PRICKLE2: variants seen among roughly 807,000 people sequenced by gnomAD.
The protein encoded by PRICKLE2 is prickle planar cell polarity protein 2.
PRICKLE2 carries 21 observed loss-of-function variants against 81.4 expected under a neutral mutation model. The ratio of observed to expected loss-of-function variants is 0.26; its 90% CI spans 0.18 to 0.37. The LOEUF (loss-of-function observed/expected upper bound fraction) is 0.37. PRICKLE2 is among the 10% of genes least tolerant of loss of function. PRICKLE2 has a pLI of 1.00. For synonymous variants in PRICKLE2, 456 were observed against 421.5 expected, an observed-to-expected ratio of 1.08 and a Z score of -1.00; for missense variants, 940 against 1,109.0, an observed-to-expected ratio of 0.85 and a Z score of 2.16.
chr3:64,257,330 G>A (rs1007216988), intron 2 of PRICKLE2, among the ~76,000 whole-genome samples: 3 of 152,186 alleles, frequency 2.0e-5, no homozygotes, highest in African/African-American at 7.2e-5. Flanking sequence ...AGTTGGACAT[G>A]CTCTAATCTG....
intron 2 of PRICKLE2, among the ~76,000 whole-genome samples, chr3:64,185,643 C>A (rs73832120): frequency 0.06 from 9,152 of 152,204 alleles, 425 homozygotes; most frequent in African/African-American, 0.14. Context: ...TTCTTTCTGA[C>A]AAAAGCTTGG....
chr3:64,154,606 G>A (rs891943230), intron 5 of PRICKLE2: 6 of 151,986 alleles, frequency 3.9e-5, no homozygotes, highest in South Asian at 2.1e-4. Flanking sequence ...ACAATAAAAC[G>A]CTTAGAAGAA....
chr3:64,170,982 T>C (rs1313543077), intron 2 of PRICKLE2, among the ~76,000 whole-genome samples: 5 of 152,228 alleles, frequency 3.3e-5, no homozygotes, highest in African/African-American at 1.2e-4. Flanking sequence ...GTCTTCACTA[T>C]AGCACCATGA....
At chr3:64,181,545 T>G (rs921584501) in intron 2 of PRICKLE2, among the ~76,000 whole-genome samples, 2 of 152,160 alleles carry the variant, frequency 1.3e-5, no homozygotes, top group Non-Finnish European at 2.9e-5. Flanking sequence ...TTTCCCCTTG[T>G]TTTAGTTATT....
At chr3:64,113,045 G>C (rs1455736109) in intron 7 of PRICKLE2, among the ~76,000 whole-genome samples, 1 of 152,158 alleles carries the variant, frequency 6.6e-6, no homozygotes, top group Non-Finnish European at 1.5e-5. Context: ...AGGGGGAATG[G>C]GTGAGTTGAA....
chr3:64,251,228 A>T (rs917785849), intron 2 of PRICKLE2, among the ~76,000 whole-genome samples: 12 of 152,218 alleles, frequency 7.9e-5, no homozygotes, highest in Non-Finnish European at 1.8e-4. Context: ...GGAATTTGAA[A>T]CATTTAAAGA....
chr3:64,224,231 A>C (rs556480094), intron 1 of PRICKLE2, among the ~76,000 whole-genome samples: 1 of 152,306 alleles, frequency 6.6e-6, no homozygotes, highest in South Asian at 2.1e-4. Flanking sequence ...CCACATAACA[A>C]AAAACCATGG....
chr3:64,237,357 T>C (rs1341829836), intron 2 of PRICKLE2, among the ~76,000 whole-genome samples: 4 of 152,142 alleles, frequency 2.6e-5, no homozygotes, highest in East Asian at 1.9e-4. Context: ...TTATTGCCAA[T>C]TAAAGTGGCT....
In PRICKLE2 at chr3:64,147,545, G is replaced by A; in HGVS notation, c.945C>T (p.Asp315=). 1 of 1,614,242 alleles carries A rather than the reference G, an allele frequency of 6.2e-7. No homozygotes were observed. Among genetic ancestry groups the A allele is most frequent in the Non-Finnish European group, 8.5e-7 (1 of 1,180,052 alleles). ...AATCAGAGGAGTCAGAACCATTGGG[G>A]TCTTCCCCAGCACTGCAGGCCCGTG... The part of the protein sequence containing the change: ...FCSRACSAGE[D]PNGSDSSDSA... The change falls in exon 7 of 8, where the codon GAC becomes GAT. Residue 315 remains aspartate (D), a synonymous_variant. Coordinates refer to ENST00000638394, the MANE Select transcript of PRICKLE2 (RefSeq NM_198859.4). The surrounding 1 kb of genome is among the most constrained non-coding windows in gnomAD (Gnocchi z 5.0).
chr3:64,197,281 T>C (rs11706369), intron 2 of PRICKLE2, among the ~76,000 whole-genome samples: 1,728 of 152,268 alleles, frequency 0.011, 15 homozygotes, highest in Non-Finnish European at 0.017. Context: ...TAACCAGTAA[T>C]GGGATTGCTG....
chr3:64,115,777 T>C (rs1290485132), intron 7 of PRICKLE2, among the ~76,000 whole-genome samples: 1 of 151,052 alleles, frequency 6.6e-6, no homozygotes, highest in Non-Finnish European at 1.5e-5. Context: ...ACTGACAATA[T>C]TAGACAGATC....
chr3:64,259,699 G>A (rs1272811145), intron 2 of PRICKLE2, among the ~76,000 whole-genome samples: 1 of 152,158 alleles, frequency 6.6e-6, no homozygotes, highest in Admixed American at 6.6e-5. Flanking sequence ...TATCCTTAGA[G>A]AGGCAGAGGG....
intron 7 of PRICKLE2, among the ~76,000 whole-genome samples, chr3:64,143,116 A>AG (rs1306057285): frequency 6.6e-6 from 1 of 152,232 alleles, no homozygotes; most frequent in Non-Finnish European, 1.5e-5. Context: ...TGCACCTTCT[A>AG]GCAGGGTCAC....
intron 2 of PRICKLE2, among the ~76,000 whole-genome samples, chr3:64,263,343 T>G (rs2079644398): frequency 6.6e-6 from 1 of 152,166 alleles, no homozygotes; most frequent in South Asian, 2.1e-4. Flanking sequence ...CTCATGAGGT[T>G]AAGTGGTCTG....
intron 5 of PRICKLE2, among the ~76,000 whole-genome samples, chr3:64,155,609 A>G (rs1008415836): frequency 7.2e-5 from 11 of 152,236 alleles, no homozygotes; most frequent in Admixed American, 2.0e-4. Context: ...AGAGTAGCCA[A>G]AAAGTGGAAA....
chr3:64,131,041 C>G (rs1406063511), intron 7 of PRICKLE2, among the ~76,000 whole-genome samples: 1 of 152,218 alleles, frequency 6.6e-6, no homozygotes, highest in Non-Finnish European at 1.5e-5. Context: ...TACTGTCTCC[C>G]TTTTCCATGT....
chr3:64,185,860 G>C (rs1575634963), intron 2 of PRICKLE2, among the ~76,000 whole-genome samples: 1 of 152,128 alleles, frequency 6.6e-6, no homozygotes, highest in Non-Finnish European at 1.5e-5. Context: ...ACCCATGAAA[G>C]CATCAACATA....
chr3:64,231,354 T>C (rs1186260523), intron 2 of PRICKLE2, among the ~76,000 whole-genome samples: 5 of 152,220 alleles, frequency 3.3e-5, no homozygotes, highest in African/African-American at 1.2e-4. Flanking sequence ...ACTGACATGA[T>C]GTGCTAGCAA....
chr3:64,148,641 A>C (rs774161778), intron 6 of PRICKLE2, among the ~76,000 whole-genome samples: 3 of 152,180 alleles, frequency 2.0e-5, no homozygotes, highest in South Asian at 4.1e-4. Flanking sequence ...GCATTAGGAG[A>C]TGGAGCTTTT....
Sources: allele counts gnomAD v4.1 joint callset (sites outside exome capture counted in the v4.1 genomes callset), GRCh38; gene constraint gnomAD v4.1.1; non-coding constraint Gnocchi (gnomAD v3.1); transcripts MANE v1.5; gene names NCBI Gene and HGNC (gene_info 2026-07-23, HGNC 2026-07-21).